Variants in USP9Y observed in about 807,000 individuals in gnomAD.
USP9Y encodes the protein ubiquitin specific peptidase 9 Y-linked, also known as ubiquitin carboxyl-terminal hydrolase 9Y.
A neutral mutation model predicts 53.1 loss-of-function variants in USP9Y; 41 were observed. The observed-to-expected ratio is 0.77, with a 90% CI of 0.60 to 1.00. The LOEUF (loss-of-function observed/expected upper bound fraction) is 1.00. Among genes scored for constraint, USP9Y ranks in the 50% least tolerant of loss-of-function variants. The pLI is 0.00. For missense variants in USP9Y, 567 were observed against 535.8 expected (o/e 1.06, Z -0.58); for synonymous variants, 220 against 173.7 (o/e 1.27, Z -2.09).
At chrY:12,844,126 T>G (rs2053564748) in intron 39 of USP9Y, among the ~76,000 whole-genome samples, 8 of 33,692 alleles carry the variant, frequency 2.4e-4, no homozygotes, top group African/African-American at 8.0e-4. Context: ...TAATTAAAAT[T>G]TATTGACTAG....
At chrY:12,798,320 A>G (rs2148287743) in intron 27 of USP9Y, among the ~76,000 whole-genome samples, 1 of 33,078 alleles carries the variant, frequency 3.0e-5, no homozygotes, top group Non-Finnish European at 7.4e-5. Context: ...ATCTTCATGA[A>G]GGTAATTTTG....
At chrY:12,832,803 G>A in intron 33 of USP9Y, among the ~76,000 whole-genome samples, 1 of 32,912 alleles carries the variant, frequency 3.0e-5, no homozygotes, top group Non-Finnish European at 7.5e-5. Flanking sequence ...CTACTATTAG[G>A]AAATTTAGGA....
At chrY:12,718,232 G>A in intron 3 of USP9Y, among the ~76,000 whole-genome samples, 1 of 33,637 alleles carries the variant, frequency 3.0e-5, no homozygotes, top group African/African-American at 1.2e-4. Context: ...ATCATTAATC[G>A]CAGTTATCTT....
intron 3 of USP9Y, among the ~76,000 whole-genome samples, chrY:12,719,879 C>T (rs535850246): frequency 1.7e-4 from 5 of 29,330 alleles, no homozygotes; most frequent in African/African-American, 6.7e-4. Context: ...CTCCGCCTCC[C>T]GGGTTTAAGC....
intron 33 of USP9Y, among the ~76,000 whole-genome samples, chrY:12,819,946 C>A: frequency 3.2e-5 from 1 of 31,495 alleles, no homozygotes; most frequent in African/African-American, 1.2e-4. Flanking sequence ...CCACCCTGGG[C>A]AACATGGCAA....
intron 42 of USP9Y, among the ~76,000 whole-genome samples, chrY:12,848,012 C>T: frequency 3.0e-5 from 1 of 33,319 alleles, no homozygotes; most frequent in African/African-American, 1.2e-4. Context: ...ATCAGTTGGT[C>T]AAATGGTATT....
Position 12,857,645 on chromosome Y carries a change from C to A in USP9Y, c.7514C>A (p.Ala2505Asp). The change falls in exon 45 of 46, where the codon GCC becomes GAC. Residue 2505 changes from alanine (A) to aspartate (D), a missense_variant. Physicochemically the swap from Ala to Asp is moderately radical, Grantham distance 126. Coordinates refer to ENST00000338981, the MANE Select transcript of USP9Y (RefSeq NM_004654.4). Reference protein sequence around the residue: ...EDAPLYPHSPASQYQQNNHVH... With the variant: ...EDAPLYPHSPDSQYQQNNHVH... ...GCCCCATTATATCCTCATTCACCTG[C>A]CTCTCAGTATCAACAGGTAAAAAGG... The A allele has an allele frequency of 2.6e-6, 1 of 381,973 alleles. No homozygotes were observed. The highest frequency in any genetic ancestry group is 3.7e-6 in the Non-Finnish European group (1 of 273,437).
intron 30 of USP9Y, among the ~76,000 whole-genome samples, chrY:12,812,171 ATCTG>A (rs2053531661): frequency 3.0e-5 from 1 of 33,002 alleles, no homozygotes; most frequent in African/African-American, 1.2e-4. Flanking sequence ...ATGTTAGCAA[ATCTG>A]TCTGATTGAC....
At chrY:12,799,117 A>G (rs2053516322) in intron 27 of USP9Y, among the ~76,000 whole-genome samples, 3 of 32,246 alleles carry the variant, frequency 9.3e-5, no homozygotes, top group African/African-American at 2.5e-4. Flanking sequence ...CCCGCCTCCC[A>G]AAGTTGCTGG....
intron 27 of USP9Y, among the ~76,000 whole-genome samples, chrY:12,800,023 G>A: frequency 3.0e-5 from 1 of 33,159 alleles, no homozygotes; most frequent in Non-Finnish European, 7.5e-5. Context: ...GCTGAATGCC[G>A]CCATTGCAGA....
chrY:12,840,572 A>C lies in USP9Y; in HGVS notation c.6046A>C (p.Lys2016Gln), dbSNP rs778896804. The C allele has an allele frequency of 2.5e-6, 1 of 395,120 alleles. No homozygotes were observed. Among genetic ancestry groups the C allele is most frequent in the East Asian group, 9.3e-5 (1 of 10,752 alleles). ...YSLEYFQFVK[K>Q]LLTCNGVYLN... ...TTTAGAGTATTTTCAGTTTGTGAAA[A>C]AACTGCTTACATGTAATGGTGTTTA... The change falls in exon 36 of 46, where the codon AAA becomes CAA. Residue 2016 changes from lysine (K) to glutamine (Q), a missense_variant. Physicochemically the swap from Lys to Gln is moderately conservative, Grantham distance 53. Transcript: ENST00000338981.
intron 2 of USP9Y, among the ~76,000 whole-genome samples, chrY:12,709,162 A>G (rs2053422193): frequency 2.9e-5 from 1 of 33,900 alleles, no homozygotes; most frequent in African/African-American, 1.2e-4. Context: ...TCCTGATCTC[A>G]GGTGATCCAC....
intron 27 of USP9Y, among the ~76,000 whole-genome samples, chrY:12,794,085 G>GC (rs2053510991): frequency 3.0e-5 from 1 of 33,040 alleles, no homozygotes; most frequent in African/African-American, 1.2e-4. Context: ...TTTAACATTG[G>GC]CTTCACCACT....
At chrY:12,756,123 A>C (rs1035550312) in intron 12 of USP9Y, among the ~76,000 whole-genome samples, 2 of 33,048 alleles carry the variant, frequency 6.1e-5, no homozygotes, top group African/African-American at 2.4e-4. Flanking sequence ...AAGTGGAGTT[A>C]GAAATCCCAG....
In USP9Y at chrY:12,856,474, C is replaced by T. The variant is rs777605251; in HGVS notation, c.7199C>T (p.Pro2400Leu). 2.5e-6 allele frequency: 1 copy of T among 398,498 alleles called. No homozygotes were observed. Among genetic ancestry groups the T allele is most frequent in the Non-Finnish European group, 3.5e-6 (1 of 283,345 alleles). The change falls in exon 43 of 46, where the codon CCT (proline) becomes CTT (leucine). Residue 2400 changes from proline (P) to leucine (L), a missense_variant. Physicochemically the swap from Pro to Leu is moderately conservative, Grantham distance 98. Transcript: ENST00000338981. ...KCMVALFSSC[P>L]VAYQILQGNG... ...ATGGTAGCTCTATTTAGCAGTTGTC[C>T]TGTTGCTTACCAGATCTTACAGGTG...
At position 12,728,319 on chromosome Y, in the gene USP9Y, G is replaced by GT. The variant is rs201401117; in HGVS notation, c.657+1538dup. On this transcript the variant is annotated intron_variant, in intron 7 of 45. Transcript: ENST00000338981. ...TTTATAAGGGAGATTAGTGTGTAGG[G>GT]TTTTTTTTTTTTGTAATTTCTTTGT... 3.7e-3 allele frequency among the ~76,000 whole-genome samples: 102 copies of GT among 27,332 alleles called. No individual in the cohort carries two copies. In the East Asian group the frequency reaches 0.049, roughly 13 times the overall value. 73.3% of individuals were successfully genotyped at this position (27,332 alleles called of 37,273 possible).
chrY:12,768,738 C>A (rs2053482469), intron 15 of USP9Y, among the ~76,000 whole-genome samples: 3 of 32,624 alleles, frequency 9.2e-5, no homozygotes, highest in Non-Finnish European at 2.2e-4. Flanking sequence ...AATGAGTAGA[C>A]CAGTGCAGTT....
chrY:12,791,379 T>G, intron 25 of USP9Y, 120 bp from the exon 26 acceptor site: 2 of 233,648 alleles, frequency 8.6e-6, no homozygotes, highest in Non-Finnish European at 1.3e-5. Context: ...AAGGCAGGTC[T>G]GATGCATGTT....
chrY:12,712,577 C>T, intron 3 of USP9Y, among the ~76,000 whole-genome samples: 1 of 32,845 alleles, frequency 3.0e-5, no homozygotes, highest in Non-Finnish European at 7.5e-5. Flanking sequence ...TTCCTATGGA[C>T]AGCATATAGT....
Sources: gnomAD v4.1 joint callset for allele counts (sites outside exome capture counted in the v4.1 genomes callset) on GRCh38, gnomAD v4.1.1 for gene constraint, MANE v1.5 for transcripts, NCBI Gene and HGNC (gene_info 2026-07-23, HGNC 2026-07-21) for gene names.